The following MIEF1 variants were observed in gnomAD, a reference collection of about 807,000 sequenced individuals.
MIEF1 encodes mitochondrial elongation factor 1.
A neutral mutation model predicts 35.1 loss-of-function variants in MIEF1; 14 were observed. The ratio of observed to expected loss-of-function variants is 0.40; its 90% CI spans 0.26 to 0.62. The LOEUF is 0.62. MIEF1 is among the 20% of genes least tolerant of loss of function. The probability of loss-of-function intolerance (pLI) is 0.43; values close to 1 mark genes in which losing one functional copy is unlikely to be tolerated. For missense variants in MIEF1, 542 were observed against 615.4 expected, an observed-to-expected ratio of 0.88 and a Z score of 1.26; for synonymous variants, 245 against 254.3, an observed-to-expected ratio of 0.96 and a Z score of 0.35.
chr22:39,507,781 C>G (rs2145745507), intron 2 of MIEF1, among the ~76,000 whole-genome samples: 1 of 152,088 alleles, frequency 6.6e-6, no homozygotes, highest in African/African-American at 2.4e-5. Context: ...AGGAGAATCA[C>G]TTGAACCTGG....
At position 39,517,449 on chromosome 22, in the gene MIEF1, C is replaced by T. The variant is rs922585039; in HGVS notation, c.*3126C>T. ...GGGTCCCGGCCACCTGTCCATATTC[C>T]ACATTTGCTGACTGTGCTCCCTGCA... On this transcript the variant is annotated 3_prime_UTR_variant, in exon 6 of 6. Coordinates refer to ENST00000325301, the MANE Select transcript of MIEF1 (RefSeq NM_019008.6). 1.1e-5 allele frequency: 5 copies of T among 438,930 alleles called. No homozygotes were observed. The highest frequency in any genetic ancestry group is 2.6e-5 in the Admixed American group (1 of 38,984). 27.2% of individuals were successfully genotyped at this position (438,930 alleles called of 1,614,324 possible).
chr22:39,515,659 T>C lies in MIEF1; in HGVS notation c.*1336T>C, dbSNP rs1406972503. 2 of 384,586 alleles carry C rather than the reference T, an allele frequency of 5.2e-6. No homozygotes were observed. The highest frequency in any genetic ancestry group is 9.4e-6 in the Non-Finnish European group (2 of 212,750). The allele number at this position is 384,586 out of a possible 1,614,324, so 23.8% of individuals were successfully genotyped here. A position where few individuals can be genotyped will look rare whatever the true frequency, so the allele number is the denominator to read the frequency against. ...ATTGCAGTATTTATTGCAATGTAAA[T>C]GTATCCTGAAGGTGGGGAGGAATGT... On this transcript the variant is annotated 3_prime_UTR_variant, in exon 6 of 6. Transcript: ENST00000325301.
chr22:39,513,477 A>G, intron 5 of MIEF1, 40 bp from the exon 6 acceptor site: 3 of 1,580,824 alleles, frequency 1.9e-6, no homozygotes, highest in Non-Finnish European at 2.6e-6. Flanking sequence ...TCTTTTGAAC[A>G]GAGTAAACCC....
intron 2 of MIEF1, among the ~76,000 whole-genome samples, chr22:39,508,292 C>T (rs992849787): frequency 6.6e-6 from 1 of 152,212 alleles, no homozygotes; most frequent in African/African-American, 2.4e-5. Context: ...AACCCACGCT[C>T]TGTTCTGTCA....
rs1354756896 is a variant in MIEF1, at chr22:39,513,621, C to A, written c.690C>A (p.Phe230Leu). ...GEDTIMNVPG[F>L]FLVRRENPEY... ...ACACCATCATGAATGTCCCTGGCTT[C>A]TTCCTGGTGCGTCGTGAGAATCCAG... The change falls in exon 6 of 6, where the codon TTC (phenylalanine) becomes TTA (leucine). Residue 230 changes from phenylalanine to leucine, a missense_variant. Phe to Leu is a conservative substitution (Grantham distance 22). Transcript: ENST00000325301. The A allele has an allele frequency of 6.2e-7, 1 of 1,614,102 alleles. No individual in the cohort carries two copies. The highest frequency in any genetic ancestry group is 8.5e-7 in the Non-Finnish European group (1 of 1,180,046).
At chr22:39,511,040 T>C (rs1439681151) in intron 2 of MIEF1, among the ~76,000 whole-genome samples, 1 of 152,238 alleles carries the variant, frequency 6.6e-6, no homozygotes, top group Non-Finnish European at 1.5e-5. Context: ...GCTTAATGCT[T>C]TCTTAATCTC....
At chr22:39,509,116 G>T (rs762310755) in intron 2 of MIEF1, among the ~76,000 whole-genome samples, 2 of 151,832 alleles carry the variant, frequency 1.3e-5, no homozygotes, top group African/African-American at 4.8e-5. Context: ...CATCATGCCT[G>T]GCTAATTTTT....
At chr22:39,505,196 A>G (rs866119866) in intron 2 of MIEF1, among the ~76,000 whole-genome samples, 5 of 150,534 alleles carry the variant, frequency 3.3e-5, no homozygotes, top group Admixed American at 6.6e-5. Flanking sequence ...TCCGTCTCCA[A>G]AAAAAAAAGA....
chr22:39,503,000 T>C, intron 1 of MIEF1: 1 of 152,196 alleles, frequency 6.6e-6, no homozygotes, highest in Non-Finnish European at 1.5e-5. Flanking sequence ...TTGGTGTCAT[T>C]TCTTTATTTC....
Position 39,514,681 on chromosome 22 carries a change from C to G in MIEF1, c.*358C>G, listed in dbSNP as rs1930566898. The G allele has an allele frequency of 3.3e-6, 1 of 304,714 alleles. No individual in the cohort carries two copies. The highest frequency in any genetic ancestry group is 7.2e-5 in the East Asian group (1 of 13,946). The allele number at this position is 304,714 out of a possible 1,614,324, so 18.9% of individuals were successfully genotyped here. ...GGTCTGCCTTGCCCGTTTGCCTGTTCCTATTCAGTGTCTTTTCTATTTTTT... is the reference window on the plus strand; with the variant it reads ...GGTCTGCCTTGCCCGTTTGCCTGTTGCTATTCAGTGTCTTTTCTATTTTTT... On this transcript the variant is annotated 3_prime_UTR_variant, in exon 6 of 6. Transcript: ENST00000325301.
rs1930551463 is a variant in MIEF1, at chr22:39,514,462, A to G, written c.*139A>G. The G allele has an allele frequency of 1.3e-6, 1 of 764,230 alleles. No homozygotes were observed. Among genetic ancestry groups the G allele is most frequent in the East Asian group, 2.6e-5 (1 of 37,834 alleles). 47.3% of individuals were successfully genotyped at this position (764,230 alleles called of 1,614,324 possible). On this transcript the variant is annotated 3_prime_UTR_variant, in exon 6 of 6. Coordinates refer to ENST00000325301, the MANE Select transcript of MIEF1 (RefSeq NM_019008.6). ...TCATCACCCTGGTCACTTCATGCTG[A>G]TTAGAATGACATCTCTTTCGTCTCC...
In MIEF1 at chr22:39,514,940, G is replaced by T; in HGVS notation, c.*617G>T. On this transcript the variant is annotated 3_prime_UTR_variant, in exon 6 of 6. Transcript: ENST00000325301. ...AAGTCCATCCTCCCCCCAACCTCCT[G>T]ACCCATTCATAAATGCTGAGAATGT... 1 of 361,898 alleles carries T rather than the reference G, an allele frequency of 2.8e-6. No homozygotes were observed. Among genetic ancestry groups the T allele is most frequent in the South Asian group, 3.9e-5 (1 of 25,810 alleles). 22.4% of individuals were successfully genotyped at this position (361,898 alleles called of 1,614,324 possible).
In MIEF1 at chr22:39,515,304, C is replaced by G. The variant is rs943714552; in HGVS notation, c.*981C>G. On this transcript the variant is annotated 3_prime_UTR_variant, in exon 6 of 6. Coordinates refer to ENST00000325301, the MANE Select transcript of MIEF1 (RefSeq NM_019008.6). ...AGGTAGACAGTCGACTGAATGTCAG[C>G]TGGAAAATCCAGTCACTAGTTGGGG... 1.4e-6 allele frequency: 1 copy of G among 717,640 alleles called. No individual in the cohort carries two copies. The highest frequency in any genetic ancestry group is 2.6e-6 in the Non-Finnish European group (1 of 385,114). The allele number at this position is 717,640 out of a possible 1,614,324, so 44.5% of individuals were successfully genotyped here. A position where few individuals can be genotyped will look rare whatever the true frequency, so the allele number is the denominator to read the frequency against.
chr22:39,507,455 C>T (rs1472204173), intron 2 of MIEF1, among the ~76,000 whole-genome samples: 1 of 151,810 alleles, frequency 6.6e-6, no homozygotes, highest in Non-Finnish European at 1.5e-5. Flanking sequence ...CCGTGTTAGC[C>T]AGGATGGTCT....
At position 39,514,672 on chromosome 22, in the gene MIEF1, T is replaced by C. The variant is rs17001229; in HGVS notation, c.*349T>C. On this transcript the variant is annotated 3_prime_UTR_variant, in exon 6 of 6. Transcript: ENST00000325301. ...CCTCTATCTGGTCTGCCTTGCCCGT[T>C]TGCCTGTTCCTATTCAGTGTCTTTT... 4,496 of 327,304 alleles carry C rather than the reference T, an allele frequency of 0.014. 173 individuals are homozygous for C. The highest frequency in any genetic ancestry group is 0.084 in the African/African-American group (4,014 of 47,674). 20.3% of individuals were successfully genotyped at this position (327,304 alleles called of 1,614,324 possible). A position where few individuals can be genotyped will look rare whatever the true frequency, so the allele number is the denominator to read the frequency against.
At chr22:39,503,403 T>G (rs1929855963) in intron 1 of MIEF1, 1 of 152,264 alleles carries the variant, frequency 6.6e-6, no homozygotes, top group Non-Finnish European at 1.5e-5. Flanking sequence ...CTAAGAACCC[T>G]GACCACCTTC....
intron 2 of MIEF1, among the ~76,000 whole-genome samples, chr22:39,506,193 G>A (rs1394237098): frequency 6.6e-6 from 1 of 152,160 alleles, no homozygotes; most frequent in Non-Finnish European, 1.5e-5. Flanking sequence ...ACAAAACGCC[G>A]TAGAGTTAAT....
Position 39,517,534 on chromosome 22 carries a change from A to AC in MIEF1, c.*3214dup, listed in dbSNP as rs1930738546. ...GGGGAATCAGCTTCAGGATGGAAGG[A>AC]CCCAGGAGAGGCCCCGAGGTGGGAG... On this transcript the variant is annotated 3_prime_UTR_variant, in exon 6 of 6. Transcript: ENST00000325301. 1 of 471,046 alleles carries AC rather than the reference A, an allele frequency of 2.1e-6. No homozygotes were observed. Among genetic ancestry groups the AC allele is most frequent in the African/African-American group, 2.0e-5 (1 of 50,078 alleles). The allele number at this position is 471,046 out of a possible 1,614,324, so 29.2% of individuals were successfully genotyped here.
At chr22:39,513,456 G>T in intron 5 of MIEF1, 61 bp from the exon 6 acceptor site, 1 of 1,527,622 alleles carries the variant, frequency 6.5e-7, no homozygotes, top group African/African-American at 1.4e-5. Flanking sequence ...AACCGTCTTA[G>T]AGGAAGCATG....
Sources: gnomAD v4.1 joint callset for allele counts (sites outside exome capture counted in the v4.1 genomes callset) on GRCh38, gnomAD v4.1.1 for gene constraint, MANE v1.5 for transcripts, NCBI Gene and HGNC (gene_info 2026-07-23, HGNC 2026-07-21) for gene names.